Variants in JAKMIP3 observed in about 807,000 individuals in gnomAD.
JAKMIP3 encodes janus kinase and microtubule-interacting protein 3.
Under a neutral mutation model 118.5 loss-of-function variants are expected in JAKMIP3, and 58 were observed. That is an observed-to-expected ratio of 0.49 (90% CI 0.40 to 0.61). JAKMIP3 has a LOEUF of 0.61. Ranked by LOEUF, JAKMIP3 falls within the 20% of genes least tolerant of loss-of-function variation. The probability of loss-of-function intolerance (pLI) is 0.00; values close to 1 mark genes in which losing one functional copy is unlikely to be tolerated. For missense variants in JAKMIP3, 950 were observed against 1,109.0 expected, an observed-to-expected ratio of 0.86 and a Z score of 2.04; for synonymous variants, 486 against 451.2, an observed-to-expected ratio of 1.08 and a Z score of -0.98.
intron 22 of JAKMIP3, among the ~76,000 whole-genome samples, chr10:132,167,449 T>TA (rs2059021760): frequency 6.6e-6 from 1 of 152,150 alleles, no homozygotes. Context: ...CTTTTCTGGG[T>TA]GGTGCTGAGC....
At chr10:132,114,107 A>G (rs2047268846) in intron 2 of JAKMIP3, among the ~76,000 whole-genome samples, 1 of 152,226 alleles carries the variant, frequency 6.6e-6, no homozygotes, top group South Asian at 2.1e-4. Context: ...AGTCCCAGGA[A>G]AATTGCCACG....
At chr10:132,087,315 G>A (rs1289727029) in intron 1 of JAKMIP3, among the ~76,000 whole-genome samples, 2 of 151,950 alleles carry the variant, frequency 1.3e-5, no homozygotes, top group African/African-American at 4.8e-5. Context: ...CTTAACTTTA[G>A]ATAACCTGAT....
chr10:132,038,398 G>GT (rs779157697), intron 1 of JAKMIP3, among the ~76,000 whole-genome samples: 7 of 152,166 alleles, frequency 4.6e-5, no homozygotes, highest in Non-Finnish European at 8.8e-5. Context: ...TCCCACAAGT[G>GT]TGCATGCATG....
chr10:132,095,685 A>G lies in JAKMIP3; in HGVS notation c.-137-8987A>G, dbSNP rs190173254. On this transcript the variant is annotated intron_variant, in intron 1 of 23. Transcript: ENST00000684848. ...AAGTTCACGACACGAGACTCCACAC[A>G]CTTTTTCTCCATCTGAGTGGGAACT... Among the ~76,000 whole-genome samples the G allele has an allele frequency of 2.2e-3, 331 of 152,290 alleles. 1 individual carries two copies. Among genetic ancestry groups the G allele is most frequent in the Non-Finnish European group, 4.1e-3 (280 of 68,018 alleles).
At chr10:132,115,220 TGCCG>T (rs1343387989) in intron 2 of JAKMIP3, among the ~76,000 whole-genome samples, 6 of 106,694 alleles carry the variant, frequency 5.6e-5, no homozygotes, top group Admixed American at 2.4e-4. Flanking sequence ...GGGGTCACCC[TGCCG>T]GGTCACCGCG....
intron 17 of JAKMIP3, 118 bp from the exon 18 acceptor site, chr10:132,153,641 T>C: frequency 1.0e-6 from 1 of 976,184 alleles, no homozygotes; most frequent in Non-Finnish European, 1.6e-6. Context: ...TGCTCTCCCC[T>C]CCCTAAGGAG....
intron 23 of JAKMIP3, among the ~76,000 whole-genome samples, chr10:132,173,013 CT>C (rs1565005171): frequency 1.0e-4 from 3 of 28,886 alleles, no homozygotes; most frequent in Non-Finnish European, 6.3e-5. Flanking sequence ...CTCTCTCTCT[CT>C]CCCTCTCTCT....
chr10:132,065,877 T>TC (rs34425162), upstream of JAKMIP3, among the ~76,000 whole-genome samples: 15 of 152,066 alleles, frequency 9.9e-5, no homozygotes, highest in Non-Finnish European at 2.2e-4. This position sits in a 1 kb window ranked among gnomAD's most constrained non-coding sequence, Gnocchi z 5.6. Context: ...AAATGGTTCC[T>TC]CCCCCTGGAT....
Position 132,180,752 on chromosome 10 carries a change from CGTGTGTGCGTGTGTGT to C in JAKMIP3, c.*1104-1603_*1104-1588del, listed in dbSNP as rs1309309569. 1.9e-3 allele frequency among the ~76,000 whole-genome samples: 26 copies of C among 13,682 alleles called. 9 individuals carry two copies. Among genetic ancestry groups the C allele is most frequent in the Middle Eastern group, 0.036 (1 of 28 alleles). 9.0% of individuals were successfully genotyped at this position (13,682 alleles called of 152,430 possible). A position where few individuals can be genotyped will look rare whatever the true frequency, so the allele number is the denominator to read the frequency against. ...GTGCGTGTGTGCGTGCGTGCGCGCG[CGTGTGTGCGTGTGTGT>C]GCGTGTGTGTGTGTGCGCGTATGCA... On this transcript the variant is annotated intron_variant, in intron 23 of 23. Transcript: ENST00000684848.
At chr10:132,053,380 A>G (rs2038149685) in intron 1 of JAKMIP3, among the ~76,000 whole-genome samples, 2 of 152,078 alleles carry the variant, frequency 1.3e-5, no homozygotes, top group African/African-American at 4.8e-5. Flanking sequence ...AACAGGGGAG[A>G]CTGTCCTGTG....
chr10:132,154,812 T>C (rs775787849), intron 19 of JAKMIP3, among the ~76,000 whole-genome samples: 71 of 141,862 alleles, frequency 5.0e-4, no homozygotes, highest in Non-Finnish European at 9.0e-4. Flanking sequence ...GTGGTGATGA[T>C]TGTGCTGGCA....
At chr10:132,094,618 C>CA (rs2043597842) in intron 1 of JAKMIP3, among the ~76,000 whole-genome samples, 1 of 152,116 alleles carries the variant, frequency 6.6e-6, no homozygotes, top group Non-Finnish European at 1.5e-5. Context: ...GCCTCTTGGA[C>CA]ATGGACACCA....
intron 3 of JAKMIP3, among the ~76,000 whole-genome samples, chr10:132,123,272 C>T (rs529205531): frequency 2.0e-5 from 3 of 152,306 alleles, no homozygotes; most frequent in African/African-American, 4.8e-5. Context: ...CATCACAGAG[C>T]CTGAGAGAGC....
intron 23 of JAKMIP3, chr10:132,181,625 T>C (rs532296336): frequency 2.0e-5 from 3 of 152,402 alleles, no homozygotes; most frequent in Admixed American, 1.3e-4. Flanking sequence ...CTGTAACGCT[T>C]AATACGGGAA....
intron 3 of JAKMIP3, among the ~76,000 whole-genome samples, chr10:132,123,540 C>T (rs973990598): frequency 2.0e-5 from 3 of 152,178 alleles, no homozygotes; most frequent in Admixed American, 1.3e-4. Context: ...AGTTTCTCCC[C>T]AAGTGCTATT....
At chr10:132,133,907 T>G (rs1400384979) in intron 4 of JAKMIP3, among the ~76,000 whole-genome samples, 8 of 152,244 alleles carry the variant, frequency 5.3e-5, no homozygotes, top group Non-Finnish European at 8.8e-5. Flanking sequence ...ACACGGCCTC[T>G]GCCTCTGGCC....
intron 21 of JAKMIP3, among the ~76,000 whole-genome samples, 186 bp downstream of exon 21, chr10:132,164,921 G>GCGGAGC (rs2058740860): frequency 7.5e-6 from 1 of 134,136 alleles, no homozygotes; most frequent in Non-Finnish European, 1.7e-5. Flanking sequence ...GCTGAGCTGG[G>GCGGAGC]TGGTAGCTGC....
upstream of JAKMIP3, among the ~76,000 whole-genome samples, chr10:132,063,779 TC>T (rs1249062545): frequency 2.0e-5 from 3 of 152,166 alleles, no homozygotes; most frequent in African/African-American, 7.2e-5. Context: ...TGTTTCCAAT[TC>T]TACAAAAAAA....
intron 23 of JAKMIP3, among the ~76,000 whole-genome samples, chr10:132,172,355 G>T (rs2059575080): frequency 6.6e-6 from 1 of 152,084 alleles, no homozygotes; most frequent in Non-Finnish European, 1.5e-5. Flanking sequence ...GTCTGCCAGG[G>T]TCTCCACTGA....
Sources: allele counts gnomAD v4.1 joint callset (sites outside exome capture counted in the v4.1 genomes callset), GRCh38; gene constraint gnomAD v4.1.1; non-coding constraint Gnocchi (gnomAD v3.1); transcripts MANE v1.5; gene names NCBI Gene and HGNC (gene_info 2026-07-23, HGNC 2026-07-21).